Variants in TLK2 observed in about 807,000 individuals in gnomAD.
The protein encoded by TLK2 is tousled like kinase 2, also known as serine/threonine-protein kinase tousled-like 2.
A neutral mutation model predicts 117.3 loss-of-function variants in TLK2; 6 were observed. The ratio of observed to expected loss-of-function variants is 0.05; its 90% CI spans 0.03 to 0.10. The LOEUF is 0.10. Ranked by LOEUF, TLK2 falls within the 10% of genes least tolerant of loss-of-function variation. TLK2 has a pLI of 1.00. For missense variants in TLK2, 299 were observed against 901.2 expected, an observed-to-expected ratio of 0.33 and a Z score of 8.56; for synonymous variants, 257 against 316.7, an observed-to-expected ratio of 0.81 and a Z score of 2.00.
intron 15 of TLK2, among the ~76,000 whole-genome samples, chr17:62,585,119 A>G (rs1025658800): frequency 3.3e-5 from 5 of 152,238 alleles, no homozygotes; most frequent in African/African-American, 4.8e-5. Flanking sequence ...TCACTGTGCT[A>G]TAGCAAGCAC....
intron 10 of TLK2, among the ~76,000 whole-genome samples, chr17:62,561,458 C>G (rs192083267): frequency 3.9e-5 from 6 of 152,350 alleles, no homozygotes; most frequent in Non-Finnish European, 8.8e-5. Context: ...GTGATCCACC[C>G]GTCTCGGCCT....
intron 11 of TLK2, among the ~76,000 whole-genome samples, chr17:62,569,768 G>C (rs1275995897): frequency 6.6e-6 from 1 of 152,108 alleles, no homozygotes; most frequent in African/African-American, 2.4e-5. Flanking sequence ...CTTCTTGTAT[G>C]GTTGAAGTGT....
chr17:62,588,915 T>C (rs2081862580), intron 16 of TLK2, among the ~76,000 whole-genome samples: 1 of 152,202 alleles, frequency 6.6e-6, no homozygotes, highest in Non-Finnish European at 1.5e-5. Flanking sequence ...CACTTCAGTG[T>C]TGTGACATTA....
intron 8 of TLK2, among the ~76,000 whole-genome samples, chr17:62,552,678 T>TC (rs2078564549): frequency 1.3e-5 from 2 of 150,220 alleles, no homozygotes; most frequent in Non-Finnish European, 3.0e-5. Flanking sequence ...TTTTTTTTTT[T>TC]CCCTACAGTA....
chr17:62,540,400 A>ATTTTTTTTTTTTTT lies in TLK2; in HGVS notation c.531+4073_531+4086dup, dbSNP rs534202077. On this transcript the variant is annotated intron_variant, in intron 7 of 21. Transcript: ENST00000346027. ...ATTTTACCTTCAAAATATGTTCAGA[A>ATTTTTTTTTTTTTT]TTTTTTTTTTTTTTTTTTTTTTTGA... 2.9e-3 allele frequency among the ~76,000 whole-genome samples: 57 copies of ATTTTTTTTTTTTTT among 19,964 alleles called. 8 individuals are homozygous for ATTTTTTTTTTTTTT. Among genetic ancestry groups the ATTTTTTTTTTTTTT allele is most frequent in the East Asian group, 7.6e-3 (1 of 132 alleles). 13.1% of individuals were successfully genotyped at this position (19,964 alleles called of 152,430 possible).
At chr17:62,540,022 CT>C (rs1334847411) in intron 7 of TLK2, among the ~76,000 whole-genome samples, 1 of 151,886 alleles carries the variant, frequency 6.6e-6, no homozygotes, top group African/African-American at 2.4e-5. Context: ...TCTCCTACAG[CT>C]GCCTTTCTCC....
At position 62,479,103 on chromosome 17, in the gene TLK2, C is replaced by T. The variant is rs1415699059; in HGVS notation, c.-193C>T. On this transcript the variant is annotated 5_prime_UTR_variant, in exon 1 of 22. Coordinates refer to ENST00000346027, the MANE Select transcript of TLK2 (RefSeq NM_006852.6). ...GGGGATCTGCGGCCTTCGTGCCCCC[C>T]CTCCCCCGCCCGCCCTCTCGTGGAG... 1.1e-4 allele frequency: 17 copies of T among 150,274 alleles called. No individual in the cohort carries two copies. The highest frequency in any genetic ancestry group is 4.1e-4 in the African/African-American group (17 of 41,254). 9.3% of individuals were successfully genotyped at this position (150,274 alleles called of 1,614,324 possible). A position where few individuals can be genotyped will look rare whatever the true frequency, so the allele number is the denominator to read the frequency against.
chr17:62,583,396 A>G (rs1223012369), intron 15 of TLK2, among the ~76,000 whole-genome samples: 2 of 151,400 alleles, frequency 1.3e-5, no homozygotes, highest in Non-Finnish European at 3.0e-5. Context: ...CACCCAGCCT[A>G]TAGTGCTGTT....
intron 7 of TLK2, among the ~76,000 whole-genome samples, chr17:62,537,735 GCTCA>G (rs1405146486): frequency 1.4e-4 from 22 of 152,100 alleles, no homozygotes; most frequent in Non-Finnish European, 2.5e-4. Flanking sequence ...TGTATGTAGA[GCTCA>G]CTTTTATTTC....
At chr17:62,557,359 C>T (rs1296371787) in intron 9 of TLK2, among the ~76,000 whole-genome samples, 1 of 152,122 alleles carries the variant, frequency 6.6e-6, no homozygotes, top group Non-Finnish European at 1.5e-5. Context: ...TGAAATATGA[C>T]AAGAAGTATT....
intron 6 of TLK2, among the ~76,000 whole-genome samples, chr17:62,534,702 T>C (rs2076988072): frequency 6.6e-6 from 1 of 151,968 alleles, no homozygotes; most frequent in Admixed American, 6.6e-5. Context: ...TTTTACTTCA[T>C]TTTTTTCTTT....
chr17:62,614,565 A>AC lies in TLK2; in HGVS notation c.*2000_*2001insC, dbSNP rs2084002362. 3.9e-5 allele frequency: 6 copies of AC among 152,146 alleles called. No individual in the cohort carries two copies. The highest frequency in any genetic ancestry group is 8.8e-5 in the Non-Finnish European group (6 of 68,054). The allele number at this position is 152,146 out of a possible 1,614,324, so 9.4% of individuals were successfully genotyped here. On this transcript the variant is annotated 3_prime_UTR_variant, in exon 22 of 22. Transcript: ENST00000346027. ...GTGGACCTGCCTCAGTCTCCTCAGT[A>AC]TCAGGCGATCTTAAGGGAAGATGGA...
At chr17:62,516,230 TG>T in intron 2 of TLK2, 1 of 765,718 alleles carries the variant, frequency 1.3e-6, no homozygotes. Context: ...CGGCTCTCCC[TG>T]TTTTCTTCTA....
chr17:62,504,343 A>G (rs372941383), intron 2 of TLK2, among the ~76,000 whole-genome samples: 2 of 152,198 alleles, frequency 1.3e-5, no homozygotes, highest in Admixed American at 6.6e-5. Flanking sequence ...ACAGATTTCA[A>G]GAAGAGCTAA....
chr17:62,489,432 C>A (rs1332106969), intron 2 of TLK2, among the ~76,000 whole-genome samples: 5 of 152,070 alleles, frequency 3.3e-5, no homozygotes, highest in Non-Finnish European at 7.4e-5. Flanking sequence ...TGATCTCGAA[C>A]TCCTAACCTC....
chr17:62,542,060 C>A (rs2077574010), intron 7 of TLK2, among the ~76,000 whole-genome samples: 2 of 152,182 alleles, frequency 1.3e-5, no homozygotes, highest in Non-Finnish European at 2.9e-5. Flanking sequence ...AGAAAAAGGT[C>A]ATTTCCTCTT....
intron 19 of TLK2, 61 bp from the exon 20 acceptor site, chr17:62,606,069 G>C: frequency 4.3e-6 from 2 of 463,416 alleles, no homozygotes; most frequent in Middle Eastern, 4.6e-4. Flanking sequence ...TTGTCTTTTT[G>C]TACATGTCTT....
chr17:62,506,471 A>G (rs1439961438), intron 2 of TLK2, among the ~76,000 whole-genome samples: 4 of 152,132 alleles, frequency 2.6e-5, no homozygotes, highest in Admixed American at 6.6e-5. Flanking sequence ...TTCCAGTAGG[A>G]ATTTTGTTAT....
At chr17:62,480,863 T>C (rs1028298481) in intron 1 of TLK2, among the ~76,000 whole-genome samples, 3 of 152,214 alleles carry the variant, frequency 2.0e-5, no homozygotes, top group African/African-American at 4.8e-5. Flanking sequence ...GGGTTTATTT[T>C]TGCTGTTAAA....
Sources: gnomAD v4.1 joint callset for allele counts (sites outside exome capture counted in the v4.1 genomes callset) on GRCh38, gnomAD v4.1.1 for gene constraint, MANE v1.5 for transcripts, NCBI Gene and HGNC (gene_info 2026-07-23, HGNC 2026-07-21) for gene names.